Variants in CALD1 observed in about 807,000 individuals in gnomAD.
CALD1 encodes caldesmon.
In CALD1, 33 loss-of-function variants were observed where a neutral mutation model predicts 99.9. The observed-to-expected ratio is 0.33, with a 90% CI of 0.25 to 0.44. The LOEUF (loss-of-function observed/expected upper bound fraction) is 0.44, where lower values mean the gene tolerates loss of function less well. Ranked by LOEUF, CALD1 falls within the 20% of genes least tolerant of loss-of-function variation. CALD1 has a pLI of 1.00. For missense variants in CALD1, 861 were observed against 962.1 expected, an observed-to-expected ratio of 0.89 and a Z score of 1.39; for synonymous variants, 310 against 325.0, an observed-to-expected ratio of 0.95 and a Z score of 0.50.
chr7:134,951,782 A>G (rs2133165710), intron 9 of CALD1, among the ~76,000 whole-genome samples: 1 of 152,354 alleles, frequency 6.6e-6, no homozygotes, highest in Non-Finnish European at 1.5e-5. Context: ...AGCATCCTTG[A>G]TTTATAATCA....
At chr7:134,758,379 C>A (rs187089299) in intron 1 of CALD1, among the ~76,000 whole-genome samples, 14 of 152,258 alleles carry the variant, frequency 9.2e-5, no homozygotes, top group Middle Eastern at 3.4e-3. Context: ...CCATATTAAT[C>A]ATATTACTAG....
intron 9 of CALD1, among the ~76,000 whole-genome samples, chr7:134,952,014 G>A (rs1451086822): frequency 1.3e-5 from 2 of 152,162 alleles, no homozygotes; most frequent in African/African-American, 4.8e-5. Context: ...ATTATACCCA[G>A]GTCTGGCCGG....
chr7:134,893,507 T>A (rs1217169579), intron 3 of CALD1, among the ~76,000 whole-genome samples: 1 of 152,074 alleles, frequency 6.6e-6, no homozygotes, highest in Non-Finnish European at 1.5e-5. Flanking sequence ...ACTATAGGAG[T>A]ACCTGATCCG....
the CALD1 span, among the ~76,000 whole-genome samples, chr7:134,711,727 T>TGTGTGTCTCC: frequency 1.1e-5 from 1 of 87,284 alleles, no homozygotes; most frequent in African/African-American, 4.9e-5. Flanking sequence ...TGTGTGTGTG[T>TGTGTGTCTCC]CTCTCTCTCT....
intron 1 of CALD1, among the ~76,000 whole-genome samples, chr7:134,789,378 T>G (rs746066584): frequency 3.9e-5 from 6 of 152,174 alleles, no homozygotes; most frequent in Non-Finnish European, 8.8e-5. Flanking sequence ...TGCTAGTTAC[T>G]CCACGTCACT....
chr7:134,938,138 C>T (rs949922762), intron 6 of CALD1, among the ~76,000 whole-genome samples: 2 of 152,084 alleles, frequency 1.3e-5, no homozygotes, highest in African/African-American at 2.4e-5. Context: ...GCAGTAGTAG[C>T]GAGGAGTCTA....
At chr7:134,871,111 C>T (rs1280503399) in intron 3 of CALD1, among the ~76,000 whole-genome samples, 3 of 152,086 alleles carry the variant, frequency 2.0e-5, no homozygotes, top group Non-Finnish European at 2.9e-5. Flanking sequence ...TAAGACTAGC[C>T]ATTTTCTCTG....
chr7:134,883,389 T>C (rs1429379619), intron 3 of CALD1, among the ~76,000 whole-genome samples: 1 of 152,194 alleles, frequency 6.6e-6, no homozygotes, highest in African/African-American at 2.4e-5. Flanking sequence ...TCTTTTGTTG[T>C]TGTTGTCTTC....
intron 3 of CALD1, among the ~76,000 whole-genome samples, chr7:134,915,099 G>A (rs926951077): frequency 1.3e-5 from 2 of 152,202 alleles, no homozygotes; most frequent in African/African-American, 4.8e-5. Flanking sequence ...ACAACCGCAA[G>A]TTCAGACTCC....
At chr7:134,748,085 G>A (rs991762663) in intron 1 of CALD1, among the ~76,000 whole-genome samples, 9 of 152,256 alleles carry the variant, frequency 5.9e-5, no homozygotes, top group Admixed American at 5.2e-4. Flanking sequence ...CTCTGCCCCA[G>A]CACCTAGACA....
chr7:134,949,778 G>A (rs777654530), intron 8 of CALD1, among the ~76,000 whole-genome samples: 10 of 152,034 alleles, frequency 6.6e-5, no homozygotes, highest in Non-Finnish European at 1.2e-4. Flanking sequence ...CATCCTATGG[G>A]AAATCATCAT....
At chr7:134,862,887 G>A (rs1800622491) in intron 2 of CALD1, among the ~76,000 whole-genome samples, 1 of 152,234 alleles carries the variant, frequency 6.6e-6, no homozygotes, top group South Asian at 2.1e-4. Flanking sequence ...GAGAGTTGAA[G>A]TTTGAAATGG....
At chr7:134,839,474 C>A (rs1799567804) in intron 1 of CALD1, among the ~76,000 whole-genome samples, 1 of 152,192 alleles carries the variant, frequency 6.6e-6, no homozygotes, top group African/African-American at 2.4e-5. Context: ...TCAGCTTTAG[C>A]ACATGCTGCC....
At chr7:134,760,402 G>A (rs981076710) in intron 1 of CALD1, among the ~76,000 whole-genome samples, 10 of 152,160 alleles carry the variant, frequency 6.6e-5, no homozygotes, top group African/African-American at 2.4e-4. Flanking sequence ...TAATAGTATT[G>A]GAATATGTGA....
intron 3 of CALD1, among the ~76,000 whole-genome samples, chr7:134,880,331 C>G (rs1027076010): frequency 9.9e-5 from 15 of 152,178 alleles, no homozygotes; most frequent in Non-Finnish European, 1.5e-4. Context: ...AGCAGTCAAC[C>G]CATTTTTTAT....
the CALD1 span, among the ~76,000 whole-genome samples, chr7:134,732,480 G>A: frequency 6.6e-6 from 1 of 152,188 alleles, no homozygotes; most frequent in Non-Finnish European, 1.5e-5. Flanking sequence ...GCTTAAGGGA[G>A]GCTGTTGGCT....
intron 3 of CALD1, among the ~76,000 whole-genome samples, chr7:134,877,077 T>C (rs1801385631): frequency 6.6e-6 from 1 of 152,240 alleles, no homozygotes; most frequent in Admixed American, 6.5e-5. Context: ...ATGCAGATTA[T>C]AAAGCACTTA....
chr7:134,716,552 C>A, the CALD1 span, among the ~76,000 whole-genome samples: 47 of 152,246 alleles, frequency 3.1e-4, no homozygotes, highest in Non-Finnish European at 1.2e-4. Flanking sequence ...TTTTAACACA[C>A]CATCAAATAA....
chr7:134,781,529 GTTCTTTGTGCTACTTCC>G (rs1408996182), intron 1 of CALD1, among the ~76,000 whole-genome samples: 3 of 152,184 alleles, frequency 2.0e-5, no homozygotes, highest in African/African-American at 7.2e-5. Flanking sequence ...ATTTTAGGCA[GTTCTTTGTGCTACTTCC>G]TTCCTGTTGA....
Sources: gnomAD v4.1 joint callset for allele counts (sites outside exome capture counted in the v4.1 genomes callset) on GRCh38, gnomAD v4.1.1 for gene constraint, MANE v1.5 for transcripts, NCBI Gene and HGNC (gene_info 2026-07-23, HGNC 2026-07-21) for gene names.